Variants in VPS54 observed in about 807,000 individuals in gnomAD.
The protein encoded by VPS54 is vacuolar protein sorting-associated protein 54.
A neutral mutation model predicts 121.5 loss-of-function variants in VPS54; 45 were observed. The ratio of observed to expected loss-of-function variants is 0.37; its 90% CI spans 0.29 to 0.47. The LOEUF is 0.47. Ranked by LOEUF, VPS54 falls within the 20% of genes least tolerant of loss-of-function variation. VPS54 has a pLI of 0.99. For missense variants in VPS54, 1,090 were observed against 1,131.4 expected (o/e 0.96, Z 0.52); for synonymous variants, 371 against 385.8 (o/e 0.96, Z 0.45).
chr2:63,967,974 C>CA (rs993942437), intron 5 of VPS54, among the ~76,000 whole-genome samples: 2 of 151,296 alleles, frequency 1.3e-5, no homozygotes, highest in Non-Finnish European at 3.0e-5. Flanking sequence ...ACAGAGCCAT[C>CA]AAAAAAAAGT....
chr2:63,950,732 TA>T (rs1273169278), intron 7 of VPS54, among the ~76,000 whole-genome samples: 1 of 152,202 alleles, frequency 6.6e-6, no homozygotes, highest in Non-Finnish European at 1.5e-5. Flanking sequence ...CTTCCTGTCT[TA>T]AATCCTGGTG....
At position 63,961,431 on chromosome 2, in the gene VPS54, T is replaced by C. The variant is rs139487458; in HGVS notation, c.1010+627A>G. Reference sequence around the variant, plus strand: ...GTCACTTACTAGTACGTGGTTTGGATGGTTTTCCCAGCAGATATGAACTTC... The same window carrying C: ...GTCACTTACTAGTACGTGGTTTGGACGGTTTTCCCAGCAGATATGAACTTC... On this transcript the variant is annotated intron_variant, in intron 7 of 22. Coordinates refer to ENST00000272322, the MANE Select transcript of VPS54 (RefSeq NM_016516.3). Among the ~76,000 whole-genome samples the C allele has an allele frequency of 3.1e-3, 479 of 152,314 alleles. 4 individuals are homozygous for C. Among genetic ancestry groups the C allele is most frequent in the Middle Eastern group, 6.8e-3 (2 of 294 alleles).
At chr2:63,904,094 A>G (rs1053535110) in intron 20 of VPS54, among the ~76,000 whole-genome samples, 3 of 152,178 alleles carry the variant, frequency 2.0e-5, no homozygotes, top group African/African-American at 7.2e-5. Context: ...GAATGGTTAC[A>G]TTTGTATTAG....
chr2:63,984,982 A>G (rs1181891923), intron 1 of VPS54, among the ~76,000 whole-genome samples: 1 of 152,224 alleles, frequency 6.6e-6, no homozygotes, highest in African/African-American at 2.4e-5. Context: ...CAAAACAAAA[A>G]GCCAAGTTAG....
At chr2:63,957,627 C>G (rs1043157633) in intron 7 of VPS54, among the ~76,000 whole-genome samples, 1 of 152,026 alleles carries the variant, frequency 6.6e-6, no homozygotes, top group African/African-American at 2.4e-5. Flanking sequence ...GAGGGGAAAT[C>G]AAACTTGGAA....
chr2:63,919,989 G>C lies in VPS54; in HGVS notation c.2058C>G (p.Leu686=). Residue 686 remains leucine, a synonymous_variant, in exon 15 of 23, where the codon CTC becomes CTG. Coordinates refer to ENST00000272322, the MANE Select transcript of VPS54 (RefSeq NM_016516.3). ...CTTGCTTCCAGCGCTCATTGTCTAA[G>C]AGGAGGCTAGTCCACAGTAAGGAGA... ...HEERKTKLSL[L]LDNERWKQAD... is the part of the protein sequence containing the mutation. 6.2e-7 allele frequency: 1 copy of C among 1,610,518 alleles called. No individual in the cohort carries two copies. Among genetic ancestry groups the C allele is most frequent in the Non-Finnish European group, 8.5e-7 (1 of 1,177,878 alleles).
chr2:63,983,763 C>CA (rs1676911410), intron 2 of VPS54, 101 bp downstream of exon 2: 2 of 1,406,994 alleles, frequency 1.4e-6, no homozygotes, highest in Admixed American at 4.7e-5. Flanking sequence ...TTTTTAACAT[C>CA]ATAAAATTTA....
chr2:63,979,471 C>T (rs955192171), intron 3 of VPS54, among the ~76,000 whole-genome samples: 1 of 152,040 alleles, frequency 6.6e-6, no homozygotes, highest in African/African-American at 2.4e-5. Context: ...GAACTCCTGA[C>T]CTCAGGTGAT....
intron 11 of VPS54, 89 bp from the exon 12 acceptor site, chr2:63,934,102 A>G: frequency 8.6e-7 from 1 of 1,167,398 alleles, no homozygotes; most frequent in Non-Finnish European, 1.2e-6. Context: ...GTAATTTTGG[A>G]CATCTATAAT....
At chr2:63,968,057 T>C (rs1395105037) in intron 5 of VPS54, among the ~76,000 whole-genome samples, 7 of 152,212 alleles carry the variant, frequency 4.6e-5, no homozygotes, top group Non-Finnish European at 7.3e-5. Context: ...CTTTGAGTTT[T>C]ATTTTGTAGG....
At chr2:64,015,421 C>G (rs748420249) in intron 1 of VPS54, among the ~76,000 whole-genome samples, 5 of 152,068 alleles carry the variant, frequency 3.3e-5, no homozygotes, top group South Asian at 4.1e-4. Flanking sequence ...CACCAAACAT[C>G]GCCCACTGAG....
chr2:63,953,385 G>A (rs1675348112), intron 7 of VPS54, among the ~76,000 whole-genome samples: 1 of 152,006 alleles, frequency 6.6e-6, no homozygotes, highest in Non-Finnish European at 1.5e-5. Context: ...CACCCGCCTT[G>A]GCCTCCCAAA....
intron 15 of VPS54, among the ~76,000 whole-genome samples, chr2:63,918,640 T>C (rs537095662): frequency 6.6e-6 from 1 of 152,124 alleles, no homozygotes; most frequent in Admixed American, 6.5e-5. Flanking sequence ...CTCTGCCCTA[T>C]ATCAACTCAT....
At chr2:63,913,625 T>G (rs1469562940) in intron 17 of VPS54, among the ~76,000 whole-genome samples, 1 of 152,160 alleles carries the variant, frequency 6.6e-6, no homozygotes, top group Non-Finnish European at 1.5e-5. Flanking sequence ...TTTTCAAAAG[T>G]TATAAAAATC....
chr2:64,003,998 C>A (rs1251339271), intron 1 of VPS54, among the ~76,000 whole-genome samples: 1 of 152,196 alleles, frequency 6.6e-6, no homozygotes, highest in Non-Finnish European at 1.5e-5. Context: ...ACCCTGAGCA[C>A]TCTTGTGTCA....
At chr2:63,945,574 C>T (rs960121078) in intron 9 of VPS54, among the ~76,000 whole-genome samples, 1 of 152,082 alleles carries the variant, frequency 6.6e-6, no homozygotes, top group Non-Finnish European at 1.5e-5. Flanking sequence ...TTACTGGCTA[C>T]AATAATTATT....
intron 16 of VPS54, among the ~76,000 whole-genome samples, chr2:63,915,094 T>C (rs1356669425): frequency 2.3e-5 from 3 of 132,482 alleles, no homozygotes; most frequent in South Asian, 2.3e-4. Flanking sequence ...GAGGTTGTGG[T>C]GAGCTGAGAT....
At chr2:63,996,078 G>A (rs924250402) in intron 1 of VPS54, among the ~76,000 whole-genome samples, 7 of 152,122 alleles carry the variant, frequency 4.6e-5, no homozygotes, top group Admixed American at 2.6e-4. Flanking sequence ...CGTCAAAATC[G>A]AGAGAACAAG....
At position 63,962,385 on chromosome 2, in the gene VPS54, G is replaced by A; in HGVS notation, c.683C>T (p.Ser228Leu). ...GGTCATTGCATGAAAAAATGCTTCT[G>A]AACGTAGAGAGATCTGGTGAGCAAT... is the stretch of plus-strand genomic sequence containing the variant. The part of the protein sequence containing the change: ...VNIAHQISLR[S>L]EAFFHAMTSQ... The change falls in exon 7 of 23, where the codon TCA (serine) becomes TTA (leucine). Residue 228 changes from serine to leucine, a missense_variant. By Grantham distance (145) the Ser-to-Leu change is moderately radical (BLOSUM62 -2). Around this residue, in one of 2 missense-constraint regions of VPS54, gnomAD observed 801 missense variants for 757.0 expected, o/e 1.06. Transcript: ENST00000272322. The A allele has an allele frequency of 1.2e-6, 2 of 1,613,852 alleles. No individual in the cohort carries two copies. Among genetic ancestry groups the A allele is most frequent in the Non-Finnish European group, 1.7e-6 (2 of 1,179,846 alleles).
Sources: gnomAD v4.1 joint callset for allele counts (sites outside exome capture counted in the v4.1 genomes callset) on GRCh38, gnomAD v4.1.1 for gene constraint, gnomAD v4.1.1 regional missense constraint, MANE v1.5 for transcripts, NCBI Gene and HGNC (gene_info 2026-07-23, HGNC 2026-07-21) for gene names.